Variants in FBXO42 observed in about 807,000 individuals in gnomAD.
The protein encoded by FBXO42 is F-box protein 42, also known as F-box only protein 42.
In FBXO42, 12 loss-of-function variants were observed where a neutral mutation model predicts 71.7. That is an observed-to-expected ratio of 0.17 (90% CI 0.11 to 0.27). The LOEUF is 0.27. FBXO42 is among the 10% of genes least tolerant of loss of function. The pLI is 1.00. For missense variants in FBXO42, 707 were observed against 911.9 expected, an observed-to-expected ratio of 0.78 and a Z score of 2.89; for synonymous variants, 325 against 327.5, an observed-to-expected ratio of 0.99 and a Z score of 0.08.
chr1:16,298,741 C>T (rs1215838322), intron 3 of FBXO42, among the ~76,000 whole-genome samples: 2 of 152,146 alleles, frequency 1.3e-5, no homozygotes, highest in South Asian at 4.1e-4. Context: ...AATTCCTGAC[C>T]TCAGGTGATC....
intron 4 of FBXO42, among the ~76,000 whole-genome samples, chr1:16,271,864 C>T (rs1042646063): frequency 1.7e-4 from 26 of 151,370 alleles, no homozygotes; most frequent in African/African-American, 4.6e-4. Flanking sequence ...GTAGGCTGGG[C>T]GCAGTGGCTC....
intron 2 of FBXO42, among the ~76,000 whole-genome samples, chr1:16,311,501 A>T (rs1035128854): frequency 0.068 from 4,202 of 61,532 alleles, 134 homozygotes; most frequent in African/African-American, 0.18. Context: ...AAAAAAAAAA[A>T]AAATATATAT....
intron 7 of FBXO42, 88 bp downstream of exon 7, chr1:16,253,547 G>T: frequency 8.7e-6 from 10 of 1,149,766 alleles, no homozygotes; most frequent in Non-Finnish European, 1.3e-5. Context: ...GTGCATATTG[G>T]CATCTTACCT....
intron 4 of FBXO42, among the ~76,000 whole-genome samples, chr1:16,265,642 C>T (rs2081763156): frequency 6.6e-6 from 1 of 150,960 alleles, no homozygotes; most frequent in South Asian, 2.1e-4. Context: ...TTCTAGGTAC[C>T]TCTTGAAAAC....
chr1:16,307,550 A>G (rs1443319827), intron 2 of FBXO42, among the ~76,000 whole-genome samples: 1 of 152,054 alleles, frequency 6.6e-6, no homozygotes, highest in African/African-American at 2.4e-5. Flanking sequence ...AACATATAAC[A>G]ATGGAGAGGA....
chr1:16,349,698 T>G (rs1376988834), intron 1 of FBXO42, among the ~76,000 whole-genome samples: 1 of 152,060 alleles, frequency 6.6e-6, no homozygotes, highest in Non-Finnish European at 1.5e-5. Flanking sequence ...TTGTCTCTAC[T>G]AAAAATACAA....
intron 4 of FBXO42, among the ~76,000 whole-genome samples, chr1:16,272,891 C>T (rs1478256784): frequency 6.6e-6 from 1 of 152,182 alleles, no homozygotes; most frequent in African/African-American, 2.4e-5. Context: ...CCAGAACAGG[C>T]AACTGCAAAA....
intron 1 of FBXO42, among the ~76,000 whole-genome samples, chr1:16,334,772 C>T (rs961570139): frequency 6.6e-6 from 1 of 151,934 alleles, no homozygotes; most frequent in African/African-American, 2.4e-5. Context: ...AGGAGAAATG[C>T]TAAATAGAAA....
chr1:16,257,381 T>A (rs2081657697), intron 4 of FBXO42, among the ~76,000 whole-genome samples: 1 of 152,102 alleles, frequency 6.6e-6, no homozygotes, highest in Non-Finnish European at 1.5e-5. Flanking sequence ...CTAGCACAAA[T>A]GGGGCAGACC....
intron 1 of FBXO42, among the ~76,000 whole-genome samples, chr1:16,323,855 AAAG>A (rs368679962): frequency 8.1e-4 from 123 of 152,000 alleles, no homozygotes; most frequent in African/African-American, 2.2e-3. Context: ...AGAAAAATAA[AAAG>A]AAGAAGGGAC....
At chr1:16,284,094 T>G (rs979148563) in intron 4 of FBXO42, among the ~76,000 whole-genome samples, 2 of 152,218 alleles carry the variant, frequency 1.3e-5, no homozygotes, top group African/African-American at 4.8e-5. Context: ...GTTTTGGGAA[T>G]TGAACAAAGG....
chr1:16,308,994 C>T (rs568499587), intron 2 of FBXO42, among the ~76,000 whole-genome samples: 21 of 142,922 alleles, frequency 1.5e-4, no homozygotes, highest in Non-Finnish European at 2.9e-4. Context: ...CCGCCCACCT[C>T]GGCCTCCCAA....
chr1:16,270,708 A>AAAAG (rs1553150226), intron 4 of FBXO42, among the ~76,000 whole-genome samples: 3 of 85,156 alleles, frequency 3.5e-5, no homozygotes, highest in African/African-American at 9.4e-5. Context: ...AAAAGAAAAG[A>AAAAG]AAGAAGAAAA....
chr1:16,323,141 A>G (rs773928900), intron 1 of FBXO42, among the ~76,000 whole-genome samples: 6 of 152,226 alleles, frequency 3.9e-5, no homozygotes, highest in Non-Finnish European at 5.9e-5. Flanking sequence ...GTAATTGGCC[A>G]GGCACAGTGG....
intron 1 of FBXO42, among the ~76,000 whole-genome samples, chr1:16,332,074 G>C (rs2082506304): frequency 6.6e-6 from 1 of 151,804 alleles, no homozygotes; most frequent in Non-Finnish European, 1.5e-5. Context: ...AAAAGAAAAA[G>C]TATATGATAT....
intron 1 of FBXO42, among the ~76,000 whole-genome samples, chr1:16,331,422 AAATAATAAT>A (rs200267691): frequency 5.5e-5 from 8 of 145,680 alleles, no homozygotes; most frequent in Admixed American, 1.4e-4. Context: ...CTCAAAAAGA[AAATAATAAT>A]AATAATAATA....
chr1:16,295,061 T>A (rs2082114675), intron 3 of FBXO42, 144 bp from the exon 4 acceptor site: 2 of 889,986 alleles, frequency 2.2e-6, no homozygotes, highest in South Asian at 3.7e-5. Flanking sequence ...CAGCCTCTTG[T>A]CTCCAAGTGG....
At chr1:16,303,768 C>T (rs1353459107) in intron 3 of FBXO42, among the ~76,000 whole-genome samples, 4 of 152,026 alleles carry the variant, frequency 2.6e-5, no homozygotes, top group Middle Eastern at 3.4e-3. Context: ...ATTTTTGAGA[C>T]GGAGTCTCAC....
intron 1 of FBXO42, among the ~76,000 whole-genome samples, chr1:16,345,582 G>C (rs2082648235): frequency 6.6e-6 from 1 of 151,868 alleles, no homozygotes; most frequent in African/African-American, 2.4e-5. Flanking sequence ...AGGCGCGGTG[G>C]CTCACGCCTG....
Sources: gnomAD v4.1 joint callset for allele counts (sites outside exome capture counted in the v4.1 genomes callset) on GRCh38, gnomAD v4.1.1 for gene constraint, MANE v1.5 for transcripts, NCBI Gene and HGNC (gene_info 2026-07-23, HGNC 2026-07-21) for gene names.